ADAMTSL1: variants seen among roughly 807,000 people sequenced by gnomAD.
The protein encoded by ADAMTSL1 is ADAMTS-like protein 1.
Under a neutral mutation model 201.8 loss-of-function variants are expected in ADAMTSL1, and 126 were observed. The observed-to-expected ratio is 0.62, with a 90% CI of 0.54 to 0.72. The LOEUF is 0.72. Ranked by LOEUF, ADAMTSL1 falls within the 30% of genes least tolerant of loss-of-function variation. The probability of loss-of-function intolerance (pLI) is 0.00; values close to 1 mark genes in which losing one functional copy is unlikely to be tolerated. For missense variants in ADAMTSL1, 2,679 were observed against 2,277.8 expected, an observed-to-expected ratio of 1.18 and a Z score of -3.59; for synonymous variants, 1,121 against 903.4, an observed-to-expected ratio of 1.24 and a Z score of -4.32.
Position 18,657,566 on chromosome 9 carries a change from T to C in ADAMTSL1, c.835-73T>C, listed in dbSNP as rs928788315. 1.7e-5 allele frequency: 20 copies of C among 1,152,442 alleles called. No individual in the cohort carries two copies. The Admixed American group carries it at 3.4e-4, about 19-fold the overall frequency. The allele number at this position is 1,152,442 out of a possible 1,614,324, so 71.4% of individuals were successfully genotyped here. On this transcript the variant is annotated intron_variant, in intron 7 of 28. Transcript: ENST00000380548. ...AAACCATCAGCACTACCATATACTC[T>C]TGTTCGAAGCTGCAAGGGACCAGAA... is the stretch of plus-strand genomic sequence containing the variant.
intron 1 of ADAMTSL1, among the ~76,000 whole-genome samples, chr9:18,120,347 G>A (rs941434584): frequency 5.9e-5 from 9 of 152,202 alleles, no homozygotes; most frequent in African/African-American, 2.2e-4. Flanking sequence ...CCTAATCTCA[G>A]AAGTGGCACA....
At chr9:18,176,224 G>C (rs1041383302) in intron 2 of ADAMTSL1, among the ~76,000 whole-genome samples, 1 of 151,948 alleles carries the variant, frequency 6.6e-6, no homozygotes, top group African/African-American at 2.4e-5. Flanking sequence ...ATTTGCCCTA[G>C]CGTATTTTTA....
At chr9:17,913,225 C>A (rs1825960668) in intron 1 of ADAMTSL1, among the ~76,000 whole-genome samples, 1 of 152,042 alleles carries the variant, frequency 6.6e-6, no homozygotes, top group Non-Finnish European at 1.5e-5. Context: ...TTTTCCAATT[C>A]TGTGAAGAAA....
intron 1 of ADAMTSL1, among the ~76,000 whole-genome samples, chr9:18,096,890 CT>C (rs1824276101): frequency 6.6e-6 from 1 of 152,100 alleles, no homozygotes; most frequent in African/African-American, 2.4e-5. Context: ...GTATGTACTC[CT>C]TTTTTTGTCA....
intron 20 of ADAMTSL1, among the ~76,000 whole-genome samples, chr9:18,800,975 T>C (rs1297074777): frequency 7.2e-6 from 1 of 138,906 alleles, no homozygotes; most frequent in African/African-American, 2.5e-5. Context: ...CCCACTGACA[T>C]TGGCAAAAAA....
chr9:18,216,689 C>A (rs894587234), intron 2 of ADAMTSL1, among the ~76,000 whole-genome samples: 3 of 142,408 alleles, frequency 2.1e-5, no homozygotes, highest in African/African-American at 7.8e-5. Flanking sequence ...AGATGACAAA[C>A]ATTTCATAAT....
chr9:18,198,189 T>C (rs1829272141), intron 2 of ADAMTSL1, among the ~76,000 whole-genome samples: 1 of 151,848 alleles, frequency 6.6e-6, no homozygotes. Context: ...ATTCAGGACA[T>C]AGGCATGGGC....
At chr9:18,145,082 T>C (rs1237568336) in intron 1 of ADAMTSL1, among the ~76,000 whole-genome samples, 1 of 152,208 alleles carries the variant, frequency 6.6e-6, no homozygotes, top group Non-Finnish European at 1.5e-5. Context: ...ATGATATCAA[T>C]GTTATTTAGG....
At chr9:18,501,468 C>T (rs900983933) in intron 1 of ADAMTSL1, among the ~76,000 whole-genome samples, 7 of 142,398 alleles carry the variant, frequency 4.9e-5, no homozygotes, top group African/African-American at 1.8e-4. Flanking sequence ...CGTGTCACTG[C>T]ACTCCAGCCT....
intron 15 of ADAMTSL1, among the ~76,000 whole-genome samples, chr9:18,730,793 T>A (rs1818172560): frequency 6.6e-6 from 1 of 152,234 alleles, no homozygotes; most frequent in Non-Finnish European, 1.5e-5. Context: ...GGCCGTGGGC[T>A]GCATGCTGGA....
chr9:18,649,567 G>A (rs370591243), intron 7 of ADAMTSL1, among the ~76,000 whole-genome samples: 1 of 152,010 alleles, frequency 6.6e-6, no homozygotes, highest in African/African-American at 2.4e-5. Context: ...TGGGTTTTTG[G>A]TGTGGATGTC....
chr9:18,198,311 G>T (rs1587289321), intron 2 of ADAMTSL1, among the ~76,000 whole-genome samples: 1 of 148,508 alleles, frequency 6.7e-6, no homozygotes, highest in East Asian at 2.0e-4. Flanking sequence ...TACCATCAGA[G>T]TGAACAGGCA....
intron 16 of ADAMTSL1, among the ~76,000 whole-genome samples, chr9:18,755,751 C>A (rs192366786): frequency 2.6e-5 from 4 of 152,130 alleles, no homozygotes; most frequent in Admixed American, 2.0e-4. Flanking sequence ...TATGAATTTA[C>A]TTTGAAAGCT....
At chr9:18,095,416 C>CTTTCTTTT (rs1824204148) in intron 1 of ADAMTSL1, among the ~76,000 whole-genome samples, 1 of 100,128 alleles carries the variant, frequency 1.0e-5, no homozygotes, top group Non-Finnish European at 2.0e-5. Flanking sequence ...TTCTTTCTTT[C>CTTTCTTTT]TTTTTTTTTT....
chr9:18,768,412 CCT>C (rs1419205377), intron 16 of ADAMTSL1, among the ~76,000 whole-genome samples: 4 of 150,712 alleles, frequency 2.7e-5, no homozygotes, highest in African/African-American at 7.3e-5. Flanking sequence ...AATTCTAGCC[CCT>C]GTGTGGCCTT....
intron 3 of ADAMTSL1, among the ~76,000 whole-genome samples, chr9:18,559,005 A>T (rs1188266758): frequency 1.3e-5 from 2 of 152,168 alleles, no homozygotes; most frequent in Non-Finnish European, 2.9e-5. Flanking sequence ...GAAGCTCTTT[A>T]GTTTAATTAG....
intron 2 of ADAMTSL1, among the ~76,000 whole-genome samples, chr9:18,522,693 T>TG (rs1267958262): frequency 2.0e-3 from 296 of 150,968 alleles, no homozygotes; most frequent in African/African-American, 6.6e-3. Flanking sequence ...ATGCGATGTT[T>TG]GTTTTTTTTT....
At chr9:18,841,247 G>A (rs1250494578) in intron 23 of ADAMTSL1, among the ~76,000 whole-genome samples, 3 of 150,544 alleles carry the variant, frequency 2.0e-5, no homozygotes, top group Non-Finnish European at 4.4e-5. Context: ...TTAGCATGAA[G>A]GGTTGTTGAA....
intron 2 of ADAMTSL1, among the ~76,000 whole-genome samples, chr9:18,181,347 G>A (rs191726417): frequency 1.1e-4 from 16 of 152,200 alleles, no homozygotes; most frequent in South Asian, 2.1e-4. Context: ...GAGTGAACAG[G>A]CAATCTACAA....
Sources: allele counts gnomAD v4.1 joint callset (sites outside exome capture counted in the v4.1 genomes callset), GRCh38; gene constraint gnomAD v4.1.1; transcripts MANE v1.5; gene names NCBI Gene and HGNC (gene_info 2026-07-23, HGNC 2026-07-21).